The following SPATA45 variants were observed in gnomAD, a reference collection of about 807,000 sequenced individuals.
The protein encoded by SPATA45 is spermatogenesis associated 45, also known as spermatogenesis-associated protein 45.
SPATA45 carries 5 observed loss-of-function variants against 7.0 expected under a neutral mutation model. The observed-to-expected ratio is 0.71, with a 90% CI of 0.37 to 1.50. The LOEUF is 1.50. Among genes scored for constraint, SPATA45 ranks in the 40% most tolerant of loss-of-function variants. SPATA45 has a pLI of 0.03. For synonymous variants in SPATA45, 40 were observed against 38.7 expected, an observed-to-expected ratio of 1.03 and a Z score of -0.13; for missense variants, 111 against 114.9, an observed-to-expected ratio of 0.97 and a Z score of 0.16.
intron 1 of SPATA45, among the ~76,000 whole-genome samples, chr1:212,843,524 G>A (rs180717752): frequency 2.6e-5 from 4 of 152,248 alleles, no homozygotes; most frequent in Admixed American, 6.5e-5. Flanking sequence ...TACTTGCTGT[G>A]TGACTAGAAT....
chr1:212,842,641 A>G (rs912959768), intron 1 of SPATA45, among the ~76,000 whole-genome samples: 8 of 152,182 alleles, frequency 5.3e-5, no homozygotes, highest in African/African-American at 1.9e-4. Flanking sequence ...TAAGTTACTT[A>G]CCTTCTCTGG....
chr1:212,830,155 GT>G lies in SPATA45; in HGVS notation c.*86del. On this transcript the variant is annotated 3_prime_UTR_variant, in exon 3 of 3. Transcript: ENST00000332912. ...CTAGTGAATACTTTTGTTTAGCTTT[GT>G]TTATAATTAATAATTTGTAAATAAT... 1.0e-6 allele frequency: 1 copy of G among 985,928 alleles called. No individual in the cohort carries two copies. The highest frequency in any genetic ancestry group is 1.6e-5 in the South Asian group (1 of 63,680). The allele number at this position is 985,928 out of a possible 1,614,324, so 61.1% of individuals were successfully genotyped here.
At chr1:212,842,447 T>C (rs535399711) in intron 1 of SPATA45, among the ~76,000 whole-genome samples, 11 of 152,282 alleles carry the variant, frequency 7.2e-5, no homozygotes, top group African/African-American at 2.6e-4. Flanking sequence ...CATAGATGTC[T>C]TAGTTAAAAG....
Position 212,836,055 on chromosome 1 carries a change from T to C in SPATA45, c.95A>G (p.Asn32Ser), listed in dbSNP as rs541969960. Residue 32 changes from asparagine (N) to serine (S), a missense_variant, in exon 2 of 3, where the codon AAC (asparagine) becomes AGC (serine). By Grantham distance (46) the Asn-to-Ser change is conservative. Coordinates refer to ENST00000332912, the MANE Select transcript of SPATA45 (RefSeq NM_001024601.3). ...TTGATTGCTTCGTTCCACCAAGCAG[T>C]TGGATTCACGCTTTTTGTTTATCTC... ...LEEINKKRES[N>S]CLVERSNQVS... is the part of the protein sequence containing the mutation. 17 of 1,611,036 alleles carry C rather than the reference T, an allele frequency of 1.1e-5. 1 individual carries two copies. The highest frequency in any genetic ancestry group is 8.8e-5 in the South Asian group (8 of 90,770).
chr1:212,843,737 G>A (rs1292923257), intron 1 of SPATA45, among the ~76,000 whole-genome samples: 2 of 152,126 alleles, frequency 1.3e-5, no homozygotes, highest in Non-Finnish European at 2.9e-5. Context: ...AATTCCAACT[G>A]CTAATTCATC....
intron 1 of SPATA45, among the ~76,000 whole-genome samples, chr1:212,839,142 T>A (rs1002489710): frequency 6.8e-6 from 1 of 146,448 alleles, no homozygotes; most frequent in Non-Finnish European, 1.5e-5. Context: ...TATATATATA[T>A]AATATATTCC....
rs1334911202 is a variant in SPATA45, at chr1:212,836,130, G to C, written c.20C>G (p.Thr7Ser). The C allele has an allele frequency of 6.2e-7, 1 of 1,603,830 alleles. No individual in the cohort carries two copies. The highest frequency in any genetic ancestry group is 8.5e-7 in the Non-Finnish European group (1 of 1,171,568). The change falls in exon 2 of 3, where the codon ACC (threonine) becomes AGC (serine). Residue 7 changes from threonine to serine, a missense_variant. Thr to Ser is a moderately conservative substitution (Grantham distance 58, BLOSUM62 1). Coordinates refer to ENST00000332912, the MANE Select transcript of SPATA45 (RefSeq NM_001024601.3). MASINR[T>S]IEIMKKHGVS... ...TCCATGTTTTTTCATTATTTCAATGGTTCTGTTTATAGATGCCATTATGGT... is the reference window on the plus strand; with the variant it reads ...TCCATGTTTTTTCATTATTTCAATGCTTCTGTTTATAGATGCCATTATGGT...
At chr1:212,841,920 G>A (rs1663694746) in intron 1 of SPATA45, among the ~76,000 whole-genome samples, 1 of 151,548 alleles carries the variant, frequency 6.6e-6, no homozygotes, top group South Asian at 2.1e-4. Context: ...ACCATGCCCA[G>A]CTAATTTTTT....
At position 212,832,216 on chromosome 1, in the gene SPATA45, CT is replaced by C. The variant is rs982955562; in HGVS notation, c.278-1956del. The stretch of plus-strand genomic sequence containing the variant: ...GTGGGGTTTCACCATGTTGGTCAGG[CT>C]GGTCTCGAACTCCTGACCTCAGGTG... On this transcript the variant is annotated intron_variant, in intron 2 of 2. Transcript: ENST00000332912. Among the ~76,000 whole-genome samples, 10 of 150,692 alleles carry C rather than the reference CT, an allele frequency of 6.6e-5. 1 individual carries two copies. The highest frequency in any genetic ancestry group is 2.4e-4 in the African/African-American group (10 of 41,198).
chr1:212,840,546 A>G (rs1433821915), intron 1 of SPATA45, among the ~76,000 whole-genome samples: 3 of 151,662 alleles, frequency 2.0e-5, no homozygotes, highest in Non-Finnish European at 4.4e-5. Flanking sequence ...CAGCCTCCCA[A>G]AGTAGCTGGG....
intron 1 of SPATA45, among the ~76,000 whole-genome samples, chr1:212,841,394 G>A (rs1663681155): frequency 6.6e-6 from 1 of 150,984 alleles, no homozygotes; most frequent in South Asian, 2.1e-4. Flanking sequence ...AAACTCCTAA[G>A]CTCAAGCGAT....
At chr1:212,842,966 A>C (rs1663716507) in intron 1 of SPATA45, among the ~76,000 whole-genome samples, 1 of 151,170 alleles carries the variant, frequency 6.6e-6, no homozygotes, top group South Asian at 2.1e-4. Context: ...GCGTGGTGGC[A>C]TGCGCCTGTA....
rs191295756 is a variant in SPATA45, at chr1:212,846,594, C to A, written c.-39+986G>T. On this transcript the variant is annotated intron_variant, in intron 1 of 2. Transcript: ENST00000332912. Reference sequence around the variant, plus strand: ...GAAGGTACTTTGTAATATTCTCCCCCCTCCACTTAAGAAGGTACTTTGTAA... The same window carrying A: ...GAAGGTACTTTGTAATATTCTCCCCACTCCACTTAAGAAGGTACTTTGTAA... Among the ~76,000 whole-genome samples, 859 of 152,266 alleles carry A rather than the reference C, an allele frequency of 5.6e-3. 5 individuals carry two copies. The highest frequency in any genetic ancestry group is 6.6e-3 in the Non-Finnish European group (446 of 68,030).
chr1:212,839,533 G>A (rs1663642308), intron 1 of SPATA45, among the ~76,000 whole-genome samples: 1 of 150,976 alleles, frequency 6.6e-6, no homozygotes, highest in African/African-American at 2.4e-5. Context: ...TGGAAGGATG[G>A]CTTGAACCCA....
intron 1 of SPATA45, among the ~76,000 whole-genome samples, chr1:212,845,295 G>T (rs1005101623): frequency 5.3e-5 from 8 of 152,138 alleles, no homozygotes; most frequent in African/African-American, 1.9e-4. Context: ...CATCAAGCTT[G>T]GGGATTTGCC....
chr1:212,846,860 GA>G (rs1663807026), intron 1 of SPATA45, among the ~76,000 whole-genome samples: 1 of 152,136 alleles, frequency 6.6e-6, no homozygotes, highest in South Asian at 2.1e-4. Flanking sequence ...GCATTAGACT[GA>G]AAAGGGCTTT....
At chr1:212,831,568 T>A (rs1307904638) in intron 2 of SPATA45, among the ~76,000 whole-genome samples, 1 of 151,288 alleles carries the variant, frequency 6.6e-6, no homozygotes, top group African/African-American at 2.4e-5. Flanking sequence ...TTCTATATAT[T>A]TAAATAAACT....
At chr1:212,844,144 T>C (rs1298689997) in intron 1 of SPATA45, among the ~76,000 whole-genome samples, 2 of 152,212 alleles carry the variant, frequency 1.3e-5, no homozygotes, top group Non-Finnish European at 2.9e-5. Context: ...TGTAGCCTTT[T>C]GGTCCAAACA....
At chr1:212,844,260 T>C (rs939021077) in intron 1 of SPATA45, among the ~76,000 whole-genome samples, 7 of 152,288 alleles carry the variant, frequency 4.6e-5, no homozygotes, top group Middle Eastern at 3.4e-3. Context: ...ATGCTCCACT[T>C]ACTCTCTACA....
Sources: gnomAD v4.1 joint callset for allele counts (sites outside exome capture counted in the v4.1 genomes callset) on GRCh38, gnomAD v4.1.1 for gene constraint, MANE v1.5 for transcripts, NCBI Gene and HGNC (gene_info 2026-07-23, HGNC 2026-07-21) for gene names.